Variants in AGK observed in about 807,000 individuals in gnomAD.
AGK encodes the protein acylglycerol kinase, also known as acylglycerol kinase, mitochondrial.
In AGK, 52 loss-of-function variants were observed where a neutral mutation model predicts 66.4. The ratio of observed to expected loss-of-function variants is 0.78; its 90% CI spans 0.63 to 0.99. The LOEUF (loss-of-function observed/expected upper bound fraction) is 0.99, where lower values mean the gene tolerates loss of function less well. Among genes scored for constraint, AGK ranks in the 50% least tolerant of loss-of-function variants. The pLI, the probability that AGK is intolerant of heterozygous loss-of-function variation, is 0.00. For missense variants in AGK, 451 were observed against 506.6 expected, an observed-to-expected ratio of 0.89 and a Z score of 1.05; for synonymous variants, 182 against 181.1, an observed-to-expected ratio of 1.00 and a Z score of -0.04.
intron 13 of AGK, among the ~76,000 whole-genome samples, chr7:141,643,830 T>A (rs981210021): frequency 3.3e-5 from 5 of 152,082 alleles, no homozygotes; most frequent in Non-Finnish European, 7.4e-5. Context: ...TAAGATTGAA[T>A]TGTCATGACT....
intron 2 of AGK, among the ~76,000 whole-genome samples, chr7:141,575,654 C>CG (rs1230795012): frequency 1.7e-5 from 1 of 58,250 alleles, no homozygotes; most frequent in African/African-American, 7.0e-5. Flanking sequence ...TTACAAAGGC[C>CG]TTTTTTTTTT....
In AGK at chr7:141,551,443, A is replaced by C. The variant is rs1795076546; in HGVS notation, c.-15+9A>C. On this transcript the variant is annotated intron_variant, in intron 1 of 15. Coordinates refer to ENST00000649286, the MANE Select transcript of AGK (RefSeq NM_018238.4). The stretch of plus-strand genomic sequence containing the variant: ...GAGCTGGACCAGCCGTGGTGAGTGC[A>C]GCGGCGCCCAGGCGGGGAGCGCAGT... 6.5e-6 allele frequency: 1 copy of C among 152,944 alleles called. No homozygotes were observed. The highest frequency in any genetic ancestry group is 1.5e-5 in the Non-Finnish European group (1 of 68,634). 9.5% of individuals were successfully genotyped at this position (152,944 alleles called of 1,614,324 possible).
intron 5 of AGK, among the ~76,000 whole-genome samples, chr7:141,606,193 A>G (rs1292727324): frequency 3.3e-5 from 5 of 152,196 alleles, no homozygotes; most frequent in South Asian, 2.1e-4. Flanking sequence ...CCATGGGTTC[A>G]TGTGAAACAA....
chr7:141,571,704 A>G (rs918163843), intron 2 of AGK, among the ~76,000 whole-genome samples: 6 of 152,202 alleles, frequency 3.9e-5, no homozygotes, highest in Non-Finnish European at 2.9e-5. Flanking sequence ...CTAGAGCCCA[A>G]TAGTATGGAT....
chr7:141,601,085 A>G (rs1305760089), intron 4 of AGK, 120 bp from the exon 5 acceptor site: 2 of 651,084 alleles, frequency 3.1e-6, no homozygotes, highest in Admixed American at 6.4e-5. Flanking sequence ...GCTTGAACAA[A>G]TAAAGGAAAC....
At chr7:141,650,763 T>TA in intron 14 of AGK, 2 of 827,452 alleles carry the variant, frequency 2.4e-6, no homozygotes, top group Non-Finnish European at 2.9e-6. Context: ...TCCCACGGTA[T>TA]CCTTGGGGTA....
intron 8 of AGK, among the ~76,000 whole-genome samples, chr7:141,616,822 G>A (rs1169239261): frequency 5.4e-5 from 8 of 149,438 alleles, no homozygotes; most frequent in African/African-American, 1.7e-4. Flanking sequence ...GCAGTGGCGC[G>A]AACTCGGCTC....
At chr7:141,640,079 A>AC (rs947775961) in intron 11 of AGK, among the ~76,000 whole-genome samples, 1 of 151,798 alleles carries the variant, frequency 6.6e-6, no homozygotes, top group African/African-American at 2.4e-5. Context: ...CCACAATAAA[A>AC]CCCCTCTCTT....
intron 5 of AGK, among the ~76,000 whole-genome samples, chr7:141,608,681 A>G (rs1796513474): frequency 6.6e-6 from 1 of 152,210 alleles, no homozygotes. Flanking sequence ...CATCATTCCA[A>G]TGAGCATCAC....
At chr7:141,591,093 T>G (rs1299174506) in intron 2 of AGK, among the ~76,000 whole-genome samples, 1 of 133,902 alleles carries the variant, frequency 7.5e-6, no homozygotes, top group Non-Finnish European at 1.6e-5. Context: ...TTTTTTTTTT[T>G]TTTTTTTTTT....
rs1304307982 is a variant in AGK at position 141,640,307 on chromosome 7, T to TAGAAGCAGTGACCGTTTG, written c.727-937_727-920dup. The stretch of plus-strand genomic sequence containing the variant: ...AAGCTAATTTTCACCACATGAAAAT[T>TAGAAGCAGTGACCGTTTG]AGAAGCAGTGACCGTTTGAGACAAG... On this transcript the variant is annotated intron_variant, in intron 11 of 15. Coordinates refer to ENST00000649286, the MANE Select transcript of AGK (RefSeq NM_018238.4). Among the ~76,000 whole-genome samples the TAGAAGCAGTGACCGTTTG allele has an allele frequency of 1.2e-4, 19 of 152,206 alleles. No individual in the cohort carries two copies. In the East Asian group the frequency reaches 2.9e-3, roughly 23 times the overall value.
At chr7:141,553,790 A>C (rs1795149730) in intron 1 of AGK, among the ~76,000 whole-genome samples, 1 of 152,156 alleles carries the variant, frequency 6.6e-6, no homozygotes, top group Non-Finnish European at 1.5e-5. Flanking sequence ...TGCTTTTGAT[A>C]AGGATGTTTC....
intron 4 of AGK, chr7:141,599,208 G>C (rs1471441044): frequency 1.3e-5 from 2 of 151,926 alleles, no homozygotes; most frequent in Non-Finnish European, 2.9e-5. Context: ...TTATCATGTA[G>C]CTATTTCATT....
intron 9 of AGK, among the ~76,000 whole-genome samples, chr7:141,627,115 A>G (rs1363629400): frequency 1.3e-5 from 2 of 152,196 alleles, no homozygotes; most frequent in Non-Finnish European, 2.9e-5. Flanking sequence ...ACTGTTTAAA[A>G]ATTGTTTTGG....
intron 9 of AGK, among the ~76,000 whole-genome samples, chr7:141,627,250 T>C (rs1281366136): frequency 1.3e-5 from 2 of 152,234 alleles, no homozygotes; most frequent in Non-Finnish European, 2.9e-5. Context: ...ACTTGGATAG[T>C]AGTTACATAG....
At position 141,615,563 on chromosome 7, in the gene AGK, C is replaced by A; in HGVS notation, c.516C>A (p.Val172=). 6.2e-7 allele frequency: 1 copy of A among 1,611,548 alleles called. No homozygotes were observed. Among genetic ancestry groups the A allele is most frequent in the Non-Finnish European group, 8.5e-7 (1 of 1,177,826 alleles). Residue 172 remains valine, a splice_region_variant and synonymous_variant, in exon 8 of 16, where the codon GTC becomes GTA. Transcript: ENST00000649286. The part of the protein sequence containing the change: ...HTLFAESGNK[V]QHITDATLAI... ...TCTTTGCCGAAAGTGGAAACAAAGT[C>A]CAGTAGGTTGTCAATGTGGGGAATT...
intron 5 of AGK, among the ~76,000 whole-genome samples, chr7:141,608,943 C>T (rs568267541): frequency 1.8e-4 from 27 of 152,254 alleles, no homozygotes; most frequent in African/African-American, 5.8e-4. Context: ...CTCATGATCA[C>T]TTATTTCTGG....
chr7:141,622,804 C>T (rs947744023), intron 9 of AGK, among the ~76,000 whole-genome samples: 9 of 152,074 alleles, frequency 5.9e-5, no homozygotes, highest in Non-Finnish European at 1.2e-4. Context: ...GCCTGTAATT[C>T]CAGCACTTTG....
rs1413027969 is a variant in AGK, at chr7:141,654,250, A to C, written c.*1326A>C. 6.6e-5 allele frequency: 10 copies of C among 152,186 alleles called. No individual in the cohort carries two copies. The highest frequency in any genetic ancestry group is 4.4e-5 in the Non-Finnish European group (3 of 68,016). 9.4% of individuals were successfully genotyped at this position (152,186 alleles called of 1,614,324 possible). A position where few individuals can be genotyped will look rare whatever the true frequency, so the allele number is the denominator to read the frequency against. On this transcript the variant is annotated 3_prime_UTR_variant, in exon 16 of 16. Transcript: ENST00000649286. ...CGGTATTAATTCTTGGATGATTAAA[A>C]GTTTTTTTATTAGAATGTTCTTTAT... is the stretch of plus-strand genomic sequence containing the variant.
Sources: allele counts gnomAD v4.1 joint callset (sites outside exome capture counted in the v4.1 genomes callset), GRCh38; gene constraint gnomAD v4.1.1; transcripts MANE v1.5; gene names NCBI Gene and HGNC (gene_info 2026-07-23, HGNC 2026-07-21).